Variants in KCTD16 observed in about 807,000 individuals in gnomAD.
The protein encoded by KCTD16 is BTB/POZ domain-containing protein KCTD16.
Under a neutral mutation model 33.2 loss-of-function variants are expected in KCTD16, and 13 were observed. The ratio of observed to expected loss-of-function variants is 0.39; its 90% CI spans 0.25 to 0.62. The LOEUF (loss-of-function observed/expected upper bound fraction) is 0.62. Among genes scored for constraint, KCTD16 ranks in the 20% least tolerant of loss-of-function variants. The pLI is 0.50. For synonymous variants in KCTD16, 197 were observed against 195.3 expected (o/e 1.01, Z -0.07); for missense variants, 441 against 525.1 (o/e 0.84, Z 1.57).
At chr5:144,397,284 T>C (rs1276557111) in intron 3 of KCTD16, among the ~76,000 whole-genome samples, 2 of 152,124 alleles carry the variant, frequency 1.3e-5, no homozygotes, top group Admixed American at 6.5e-5. Context: ...TAGTATTCCA[T>C]GGTGTATATG....
At chr5:144,443,560 G>GA (rs1204815823) in intron 3 of KCTD16, among the ~76,000 whole-genome samples, 2 of 151,906 alleles carry the variant, frequency 1.3e-5, no homozygotes, top group Non-Finnish European at 2.9e-5. Context: ...TATAAGAAAG[G>GA]TAGGTGAAAG....
chr5:144,450,312 G>C (rs1162505981), intron 3 of KCTD16, among the ~76,000 whole-genome samples: 1 of 152,068 alleles, frequency 6.6e-6, no homozygotes, highest in African/African-American at 2.4e-5. Flanking sequence ...TATTGGCAAG[G>C]ATGTGGAGAA....
intron 3 of KCTD16, among the ~76,000 whole-genome samples, chr5:144,463,898 A>G (rs914235392): frequency 1.2e-4 from 18 of 152,320 alleles, no homozygotes; most frequent in African/African-American, 4.3e-4. Flanking sequence ...ATGGGAAAAA[A>G]TATTTGGTTA....
Position 144,484,170 on chromosome 5 carries a change from G to A in KCTD16, c.*10056G>A, listed in dbSNP as rs1394254914. ...TGTATTTTTGTAAATCATGGGTGGC[G>A]GATGTCAAAATCTCTCATTAATTAC... On this transcript the variant is annotated 3_prime_UTR_variant, in exon 4 of 4. Transcript: ENST00000512467. 3 of 151,778 alleles carry A rather than the reference G, an allele frequency of 2.0e-5. No homozygotes were observed. The highest frequency in any genetic ancestry group is 4.4e-5 in the Non-Finnish European group (3 of 67,882). The allele number at this position is 151,778 out of a possible 1,614,324, so 9.4% of individuals were successfully genotyped here. A position where few individuals can be genotyped will look rare whatever the true frequency, so the allele number is the denominator to read the frequency against.
At chr5:144,375,079 A>C (rs543932295) in intron 3 of KCTD16, among the ~76,000 whole-genome samples, 34 of 152,358 alleles carry the variant, frequency 2.2e-4, no homozygotes, top group African/African-American at 8.2e-4. Flanking sequence ...GATTGACCAC[A>C]TACAGGTGAA....
chr5:144,415,624 A>G (rs1358759717), intron 3 of KCTD16, among the ~76,000 whole-genome samples: 2 of 152,206 alleles, frequency 1.3e-5, no homozygotes, highest in Non-Finnish European at 2.9e-5. Context: ...ATCCTGATCC[A>G]TGGACAAACA....
chr5:144,417,358 C>T (rs931655772), intron 3 of KCTD16, among the ~76,000 whole-genome samples: 6 of 151,966 alleles, frequency 3.9e-5, no homozygotes, highest in Admixed American at 1.3e-4. Context: ...ATTTGCATTT[C>T]CCTAATGACT....
At chr5:144,196,697 A>G (rs1752945841) in intron 2 of KCTD16, among the ~76,000 whole-genome samples, 1 of 152,116 alleles carries the variant, frequency 6.6e-6, no homozygotes, top group African/African-American at 2.4e-5. Context: ...GTGTCACTCC[A>G]TTTGTTCATA....
At chr5:144,393,924 GT>G (rs922542804) in intron 3 of KCTD16, among the ~76,000 whole-genome samples, 5 of 130,030 alleles carry the variant, frequency 3.8e-5, no homozygotes, top group African/African-American at 1.1e-4. Flanking sequence ...TTTTCATGCT[GT>G]TTTTTTCTTT....
At chr5:144,378,465 T>A (rs1398791071) in intron 3 of KCTD16, among the ~76,000 whole-genome samples, 1 of 152,194 alleles carries the variant, frequency 6.6e-6, no homozygotes, top group African/African-American at 2.4e-5. Flanking sequence ...TACTGAAATG[T>A]CGTATCTAGC....
chr5:144,231,707 A>G (rs1754108788), intron 3 of KCTD16, among the ~76,000 whole-genome samples: 1 of 152,002 alleles, frequency 6.6e-6, no homozygotes, highest in South Asian at 2.1e-4. Context: ...ACGAGATCTG[A>G]TGGTTTTATA....
chr5:144,235,748 C>A (rs1018760933), intron 3 of KCTD16, among the ~76,000 whole-genome samples: 1 of 152,014 alleles, frequency 6.6e-6, no homozygotes, highest in African/African-American at 2.4e-5. Context: ...TCTTGTCAAA[C>A]TTCAGACACT....
At chr5:144,300,273 T>C (rs1751397024) in intron 3 of KCTD16, among the ~76,000 whole-genome samples, 1 of 152,182 alleles carries the variant, frequency 6.6e-6, no homozygotes, top group African/African-American at 2.4e-5. Context: ...TTTGCAAAAA[T>C]AGATCAAGAT....
At chr5:144,398,716 T>G (rs1752634931) in intron 3 of KCTD16, among the ~76,000 whole-genome samples, 1 of 151,932 alleles carries the variant, frequency 6.6e-6, no homozygotes, top group African/African-American at 2.4e-5. Context: ...ACACTCTCTC[T>G]CTCTCTCTCT....
intron 3 of KCTD16, among the ~76,000 whole-genome samples, chr5:144,250,066 C>T (rs1180436777): frequency 2.0e-5 from 3 of 152,200 alleles, no homozygotes; most frequent in African/African-American, 7.2e-5. Context: ...ATACATATTT[C>T]TCAGACTCCG....
At chr5:144,188,132 G>A (rs1752766536) in intron 2 of KCTD16, among the ~76,000 whole-genome samples, 1 of 152,156 alleles carries the variant, frequency 6.6e-6, no homozygotes, top group African/African-American at 2.4e-5. Context: ...CTTCTTTGAT[G>A]GGGTTGAGTC....
At position 144,428,718 on chromosome 5, in the gene KCTD16, G is replaced by T. The variant is rs1022680739; in HGVS notation, c.833-44942G>T. Among the ~76,000 whole-genome samples, 4 of 152,296 alleles carry T rather than the reference G, an allele frequency of 2.6e-5. No homozygotes were observed. The East Asian group carries it at 5.8e-4, about 22-fold the overall frequency. ...TAAGTCCAGGAAGCTAAAGCCAAAA[G>T]GTGGTGTCCTCCAGAGGGAGGTACA... On this transcript the variant is annotated intron_variant, in intron 3 of 3. Coordinates refer to ENST00000512467, the MANE Select transcript of KCTD16 (RefSeq NM_020768.4).
chr5:144,281,547 C>G lies in KCTD16; in HGVS notation c.832+74001C>G, dbSNP rs555681160. 2.4e-4 allele frequency among the ~76,000 whole-genome samples: 36 copies of G among 151,974 alleles called. No homozygotes were observed. The South Asian group carries it at 7.1e-3, about 30-fold the overall frequency. ...TTCCTTTTCATTTTTTTATTATGATCAGAGAAAAAGACCTTGCATTATTTC... is the reference window on the plus strand; with the variant it reads ...TTCCTTTTCATTTTTTTATTATGATGAGAGAAAAAGACCTTGCATTATTTC... On this transcript the variant is annotated intron_variant, in intron 3 of 3. Coordinates refer to ENST00000512467, the MANE Select transcript of KCTD16 (RefSeq NM_020768.4).
chr5:144,234,027 G>A (rs1305348344), intron 3 of KCTD16, among the ~76,000 whole-genome samples: 1 of 152,092 alleles, frequency 6.6e-6, no homozygotes, highest in Non-Finnish European at 1.5e-5. Flanking sequence ...AGAATGAACC[G>A]CAGGAAGAGA....
Sources: gnomAD v4.1 joint callset for allele counts (sites outside exome capture counted in the v4.1 genomes callset) on GRCh38, gnomAD v4.1.1 for gene constraint, MANE v1.5 for transcripts, NCBI Gene and HGNC (gene_info 2026-07-23, HGNC 2026-07-21) for gene names.